ASIC2: variants seen among roughly 807,000 people sequenced by gnomAD.
The protein encoded by ASIC2 is acid-sensing ion channel 2.
Under a neutral mutation model 57.3 loss-of-function variants are expected in ASIC2, and 25 were observed. That is an observed-to-expected ratio of 0.44 (90% confidence interval 0.32 to 0.61). The LOEUF (loss-of-function observed/expected upper bound fraction) is 0.61, where lower values mean the gene tolerates loss of function less well. Ranked by LOEUF, ASIC2 falls within the 20% of genes least tolerant of loss-of-function variation. The pLI is 0.06. For synonymous variants in ASIC2, 319 were observed against 307.5 expected (o/e 1.04, Z -0.39); for missense variants, 641 against 738.1 (o/e 0.87, Z 1.52).
At chr17:33,073,122 A>G (rs1020294277) in intron 3 of ASIC2, among the ~76,000 whole-genome samples, 1 of 152,242 alleles carries the variant, frequency 6.6e-6, no homozygotes, top group African/African-American at 2.4e-5. Context: ...GGGAGGGAAT[A>G]GCCGGGAGCA....
At chr17:33,906,523 T>C (rs1323688651) in intron 1 of ASIC2, among the ~76,000 whole-genome samples, 3 of 152,192 alleles carry the variant, frequency 2.0e-5, no homozygotes, top group Non-Finnish European at 4.4e-5. Flanking sequence ...GTCCTTCACT[T>C]ATGAGAAACC....
chr17:33,795,840 C>T (rs1911899517), intron 1 of ASIC2, among the ~76,000 whole-genome samples: 1 of 152,252 alleles, frequency 6.6e-6, no homozygotes. Flanking sequence ...TGGGAGCAAA[C>T]TCCCTGGGGC....
rs367907202 is a variant in ASIC2, at chr17:33,611,446, G to A, written c.556-499379C>T. ...AGCCTGCTGATAGGGCCCCATATCCGTCAGTTGTTGCTGATAACAAAAACC... is the reference window on the plus strand; with the variant it reads ...AGCCTGCTGATAGGGCCCCATATCCATCAGTTGTTGCTGATAACAAAAACC... On this transcript the variant is annotated intron_variant, in intron 1 of 9. Transcript: ENST00000359872. 4.6e-5 allele frequency among the ~76,000 whole-genome samples: 7 copies of A among 152,274 alleles called. No homozygotes were observed. In the South Asian group the frequency reaches 8.3e-4, roughly 18 times the overall value.
intron 1 of ASIC2, among the ~76,000 whole-genome samples, chr17:33,863,402 T>A (rs1403381563): frequency 3.3e-5 from 5 of 152,346 alleles, no homozygotes; most frequent in Non-Finnish European, 5.9e-5. Context: ...TTATGTTTCT[T>A]GCAATGGAGA....
chr17:33,303,614 T>C (rs1340548829), intron 1 of ASIC2, among the ~76,000 whole-genome samples: 2 of 152,258 alleles, frequency 1.3e-5, no homozygotes, highest in South Asian at 2.1e-4. Flanking sequence ...CATTCCTTTC[T>C]TTTCCTTCTC....
intron 1 of ASIC2, among the ~76,000 whole-genome samples, chr17:33,204,109 G>A (rs1906974235): frequency 6.6e-6 from 1 of 152,222 alleles, no homozygotes. Context: ...ACCTCTGAGA[G>A]TTGGGCTTTC....
intron 1 of ASIC2, chr17:33,932,741 A>AAAAATATATATATATATATAT (rs1555572867): frequency 2.9e-4 from 17 of 58,650 alleles, no homozygotes; most frequent in Non-Finnish European, 4.4e-4. Context: ...AAAAAAAAAA[A>AAAAATATATATATATATATAT]ATATATATAT....
chr17:33,904,163 C>CAAAAAAAAAAAA, intron 1 of ASIC2, among the ~76,000 whole-genome samples: 1 of 55,856 alleles, frequency 1.8e-5, no homozygotes, highest in Non-Finnish European at 3.1e-5. Flanking sequence ...AACTCCGTCT[C>CAAAAAAAAAAAA]AAAAAAAAAA....
intron 1 of ASIC2, among the ~76,000 whole-genome samples, chr17:33,307,275 TC>T (rs1173917589): frequency 1.3e-4 from 10 of 77,680 alleles, no homozygotes; most frequent in African/African-American, 4.6e-4. Flanking sequence ...CTCCTCCTCT[TC>T]CTTCTTCTTC....
At chr17:33,062,137 AG>A (rs1451797954) in intron 3 of ASIC2, among the ~76,000 whole-genome samples, 1 of 152,128 alleles carries the variant, frequency 6.6e-6, no homozygotes, top group Non-Finnish European at 1.5e-5. Flanking sequence ...GATTTTTTGA[AG>A]GGTTTTTTGT....
intron 1 of ASIC2, among the ~76,000 whole-genome samples, chr17:33,128,507 C>T (rs1439575104): frequency 6.6e-6 from 1 of 152,180 alleles, no homozygotes; most frequent in South Asian, 2.1e-4. Context: ...GCTCCACACC[C>T]ACCGATCACA....
intron 1 of ASIC2, among the ~76,000 whole-genome samples, chr17:33,415,030 T>G (rs1226404215): frequency 6.6e-6 from 1 of 152,216 alleles, no homozygotes; most frequent in Non-Finnish European, 1.5e-5. Flanking sequence ...GGCACTGTCC[T>G]CATACTAGTG....
At chr17:33,375,390 G>C (rs990408443) in intron 1 of ASIC2, among the ~76,000 whole-genome samples, 18 of 151,780 alleles carry the variant, frequency 1.2e-4, no homozygotes, top group Admixed American at 2.6e-4. Context: ...TGGGGGCAGA[G>C]AGCGAGGGGG....
At chr17:33,766,203 G>T (rs1187950241) in intron 1 of ASIC2, among the ~76,000 whole-genome samples, 1 of 152,174 alleles carries the variant, frequency 6.6e-6, no homozygotes, top group Non-Finnish European at 1.5e-5. Context: ...TGTTATAGTT[G>T]TTCTGTTTTA....
At chr17:33,748,185 T>A (rs1910323853) in intron 1 of ASIC2, among the ~76,000 whole-genome samples, 1 of 152,214 alleles carries the variant, frequency 6.6e-6, no homozygotes, top group Non-Finnish European at 1.5e-5. Flanking sequence ...CTTGCCCTCC[T>A]AGCCACCTGC....
chr17:33,215,831 C>T (rs1597634163), intron 1 of ASIC2, among the ~76,000 whole-genome samples: 2 of 152,068 alleles, frequency 1.3e-5, no homozygotes, highest in East Asian at 1.9e-4. Flanking sequence ...TCGCGAGTAG[C>T]TGGGACTACA....
chr17:33,048,799 G>A (rs1464493706), intron 3 of ASIC2, among the ~76,000 whole-genome samples: 1 of 152,192 alleles, frequency 6.6e-6, no homozygotes, highest in Non-Finnish European at 1.5e-5. Flanking sequence ...TGGTACGGGG[G>A]TCTCCCTGTC....
intron 1 of ASIC2, among the ~76,000 whole-genome samples, chr17:34,136,781 C>A (rs1912137497): frequency 6.6e-6 from 1 of 152,170 alleles, no homozygotes; most frequent in Admixed American, 6.5e-5. Context: ...TCAGAATAAA[C>A]CTCTTCAAAT....
At chr17:33,157,351 C>T (rs1004062519) in intron 1 of ASIC2, among the ~76,000 whole-genome samples, 12 of 152,142 alleles carry the variant, frequency 7.9e-5, no homozygotes, top group African/African-American at 2.7e-4. Context: ...GGATAGGCAC[C>T]GTGATGCCCA....
Sources: allele counts gnomAD v4.1 joint callset (sites outside exome capture counted in the v4.1 genomes callset), GRCh38; gene constraint gnomAD v4.1.1; transcripts MANE v1.5; gene names NCBI Gene and HGNC (gene_info 2026-07-23, HGNC 2026-07-21).